The following PTPRG variants were observed in gnomAD, a reference collection of about 807,000 sequenced individuals.
PTPRG encodes the protein protein tyrosine phosphatase receptor type G, also known as receptor-type tyrosine-protein phosphatase gamma.
A neutral mutation model predicts 165.3 loss-of-function variants in PTPRG; 102 were observed. That is an observed-to-expected ratio of 0.62 (90% confidence interval 0.53 to 0.73). PTPRG has a LOEUF of 0.73. Among genes scored for constraint, PTPRG ranks in the 30% least tolerant of loss-of-function variants. The probability of loss-of-function intolerance (pLI) is 0.00; values close to 1 mark genes in which losing one functional copy is unlikely to be tolerated. For synonymous variants in PTPRG, 675 were observed against 669.5 expected (o/e 1.01, Z -0.13); for missense variants, 1,866 against 1,861.4 (o/e 1.00, Z -0.05).
chr3:61,922,162 A>G (rs568381628), intron 2 of PTPRG, among the ~76,000 whole-genome samples: 3 of 152,208 alleles, frequency 2.0e-5, no homozygotes, highest in Non-Finnish European at 4.4e-5. Flanking sequence ...CCCCAGCAGT[A>G]TGCTATTTCT....
chr3:61,956,090 T>TTA (rs139960761), intron 2 of PTPRG, among the ~76,000 whole-genome samples: 27,414 of 148,940 alleles, frequency 0.18, 2,544 homozygotes, highest in East Asian at 0.3. Flanking sequence ...GGGAAAAAAA[T>TTA]TATATATATA....
At chr3:62,126,806 A>T (rs1248545459) in intron 5 of PTPRG, among the ~76,000 whole-genome samples, 1 of 152,194 alleles carries the variant, frequency 6.6e-6, no homozygotes, top group Non-Finnish European at 1.5e-5. Context: ...TTTGCCATTC[A>T]TCACTCTCAA....
chr3:61,907,379 C>T (rs894117177), intron 2 of PTPRG, among the ~76,000 whole-genome samples: 1 of 152,118 alleles, frequency 6.6e-6, no homozygotes, highest in Admixed American at 6.6e-5. Context: ...TTGATCAGGC[C>T]GTCTTCCCAG....
intron 2 of PTPRG, among the ~76,000 whole-genome samples, chr3:61,923,787 C>G (rs966056944): frequency 1.3e-5 from 2 of 148,568 alleles, no homozygotes; most frequent in African/African-American, 5.0e-5. Context: ...AGGCCCACCT[C>G]AGCCTCCCAA....
chr3:61,927,761 A>T (rs79772285), intron 2 of PTPRG, among the ~76,000 whole-genome samples: 2,458 of 152,230 alleles, frequency 0.016, 38 homozygotes, highest in Middle Eastern at 0.037. Context: ...GCCTCCTTGA[A>T]AGTTGTGTCA....
At chr3:61,830,342 G>A (rs59726313) in intron 2 of PTPRG, among the ~76,000 whole-genome samples, 1 of 152,098 alleles carries the variant, frequency 6.6e-6, no homozygotes, top group Admixed American at 6.6e-5. Context: ...TCATCTTTTA[G>A]GTTGATAATG....
intron 2 of PTPRG, among the ~76,000 whole-genome samples, chr3:61,921,425 T>TTAAG (rs1451747375): frequency 6.6e-6 from 1 of 152,110 alleles, no homozygotes; most frequent in African/African-American, 2.4e-5. Context: ...ACATTACAGG[T>TTAAG]TAAGCGTCCC....
In PTPRG at chr3:61,953,895, A is replaced by C. The variant is rs557075629; in HGVS notation, c.191-35730A>C. 2.3e-3 allele frequency among the ~76,000 whole-genome samples: 353 copies of C among 152,206 alleles called. 2 individuals carry two copies. Among genetic ancestry groups the C allele is most frequent in the Non-Finnish European group, 3.3e-3 (227 of 68,014 alleles). On this transcript the variant is annotated intron_variant, in intron 2 of 29. Transcript: ENST00000474889. ...CTGTACAATCTGCTGCTCTCTTCAG[A>C]TGCTTTGACCTGTTCCTATAGTGAC... is the stretch of plus-strand genomic sequence containing the variant.
intron 1 of PTPRG, among the ~76,000 whole-genome samples, chr3:61,640,191 C>T (rs1171165655): frequency 3.3e-5 from 5 of 152,182 alleles, no homozygotes; most frequent in Admixed American, 3.3e-4. Flanking sequence ...CCATGATTGA[C>T]AGCTTGGTTT....
intron 2 of PTPRG, among the ~76,000 whole-genome samples, chr3:61,759,054 G>A (rs2033739376): frequency 2.0e-5 from 3 of 152,174 alleles, no homozygotes; most frequent in African/African-American, 7.2e-5. Context: ...GGTGGTGTTA[G>A]TTTCAGTGTT....
At chr3:61,994,014 GA>G (rs1172141918) in intron 3 of PTPRG, among the ~76,000 whole-genome samples, 3 of 152,142 alleles carry the variant, frequency 2.0e-5, no homozygotes, top group Admixed American at 6.5e-5. Flanking sequence ...CCCACTTCTC[GA>G]AAGTTGTCTA....
chr3:62,203,530 G>A lies in PTPRG; in HGVS notation c.1735G>A (p.Glu579Lys), dbSNP rs1217701258. Residue 579 changes from glutamate to lysine, a missense_variant, in exon 12 of 30, where the codon GAA becomes AAA. Glu to Lys is a moderately conservative substitution (Grantham distance 56). Around this residue, in one of 3 missense-constraint regions of PTPRG, gnomAD observed 1,452 missense variants for 1,463.0 expected, o/e 0.99. Transcript: ENST00000474889. The surrounding 1 kb of genome is among the most constrained non-coding windows in gnomAD (Gnocchi z 6.4). ...AACCAAGGACGGCGAGGGCACCGAG[G>A]AAGGAGAGAAGGATGAGAAAAGCGA... is the stretch of plus-strand genomic sequence containing the variant. ...SPTKDGEGTEEGEKDEKSESE... is the reference protein window; with the variant it reads ...SPTKDGEGTEKGEKDEKSESE... 3 of 1,554,592 alleles carry A rather than the reference G, an allele frequency of 1.9e-6. No homozygotes were observed. Among genetic ancestry groups the A allele is most frequent in the Non-Finnish European group, 2.6e-6 (3 of 1,148,424 alleles).
intron 4 of PTPRG, among the ~76,000 whole-genome samples, chr3:62,068,551 C>G (rs745535024): frequency 6.6e-5 from 10 of 152,164 alleles, no homozygotes; most frequent in Admixed American, 1.3e-4. Flanking sequence ...TCACAGCTCA[C>G]TGCAGCCTTG....
At chr3:61,597,180 A>G (rs1000619182) in intron 1 of PTPRG, among the ~76,000 whole-genome samples, 12 of 152,160 alleles carry the variant, frequency 7.9e-5, no homozygotes, top group Non-Finnish European at 1.5e-5. Flanking sequence ...CAGTGCTCCC[A>G]TGACCCAAAC....
chr3:62,145,102 G>A (rs1038439918), intron 6 of PTPRG, among the ~76,000 whole-genome samples: 4 of 152,228 alleles, frequency 2.6e-5, no homozygotes, highest in South Asian at 2.1e-4. Flanking sequence ...TAACCTGCTC[G>A]CCTGCTCTAT....
rs140127603 is a variant in PTPRG at position 61,944,406 on chromosome 3, G to A, written c.191-45219G>A. 5.1e-4 allele frequency among the ~76,000 whole-genome samples: 77 copies of A among 152,280 alleles called. 1 individual carries two copies. The East Asian group carries it at 7.0e-3, about 14-fold the overall frequency. ...TGGCTTGTGGCATTGTACAGCAGGT[G>A]GACACCGTGCTTCCATCGTCTTCCT... is the stretch of plus-strand genomic sequence containing the variant. On this transcript the variant is annotated intron_variant, in intron 2 of 29. Transcript: ENST00000474889.
intron 2 of PTPRG, among the ~76,000 whole-genome samples, chr3:61,791,823 A>G (rs2034884092): frequency 6.6e-6 from 1 of 152,202 alleles, no homozygotes; most frequent in Admixed American, 6.5e-5. Context: ...ATTCAATGAC[A>G]TCTATAAACT....
chr3:61,990,338 T>C (rs1217509870), intron 3 of PTPRG, among the ~76,000 whole-genome samples: 1 of 152,178 alleles, frequency 6.6e-6, no homozygotes, highest in East Asian at 1.9e-4. Flanking sequence ...GGAAACAGAA[T>C]TCTTATCTTT....
intron 2 of PTPRG, among the ~76,000 whole-genome samples, chr3:61,845,242 A>C (rs1166202297): frequency 6.6e-6 from 1 of 152,204 alleles, no homozygotes; most frequent in East Asian, 1.9e-4. Flanking sequence ...TGAACTGTCA[A>C]GGTTTTTAAT....
Sources: allele counts gnomAD v4.1 joint callset (sites outside exome capture counted in the v4.1 genomes callset), GRCh38; gene constraint gnomAD v4.1.1; regional missense constraint gnomAD v4.1.1; non-coding constraint Gnocchi (gnomAD v3.1); transcripts MANE v1.5; gene names NCBI Gene and HGNC (gene_info 2026-07-23, HGNC 2026-07-21).